Variants in TMEM163 observed in about 807,000 individuals in gnomAD.
The protein encoded by TMEM163 is transmembrane protein 163.
Under a neutral mutation model 29.3 loss-of-function variants are expected in TMEM163, and 17 were observed. The observed-to-expected ratio is 0.58, with a 90% CI of 0.40 to 0.87. TMEM163 has a LOEUF of 0.87. TMEM163 is among the 40% of genes least tolerant of loss of function. The pLI, the probability that TMEM163 is intolerant of heterozygous loss-of-function variation, is 0.00. For synonymous variants in TMEM163, 157 were observed against 160.6 expected, an observed-to-expected ratio of 0.98 and a Z score of 0.17; for missense variants, 303 against 381.5, an observed-to-expected ratio of 0.79 and a Z score of 1.71.
chr2:134,496,218 C>T (rs544122419), intron 5 of TMEM163, among the ~76,000 whole-genome samples: 4 of 152,208 alleles, frequency 2.6e-5, no homozygotes, highest in Non-Finnish European at 4.4e-5. Flanking sequence ...CCCACCACCA[C>T]GCCCAGCTAA....
At chr2:134,640,328 A>C (rs929699525) in intron 2 of TMEM163, among the ~76,000 whole-genome samples, 1 of 152,166 alleles carries the variant, frequency 6.6e-6, no homozygotes, top group African/African-American at 2.4e-5. Flanking sequence ...AAAAAGAAAA[A>C]TGAAGTAGAT....
chr2:134,581,527 G>A (rs1259171155), intron 2 of TMEM163, among the ~76,000 whole-genome samples: 1 of 152,130 alleles, frequency 6.6e-6, no homozygotes, highest in East Asian at 1.9e-4. Context: ...AATAGCAGCT[G>A]CCACCCCACT....
At chr2:134,636,218 C>A (rs967373755) in intron 2 of TMEM163, among the ~76,000 whole-genome samples, 4 of 152,218 alleles carry the variant, frequency 2.6e-5, no homozygotes, top group Admixed American at 2.6e-4. Flanking sequence ...CCTTTCATCA[C>A]TGGGCTCAGG....
intron 2 of TMEM163, among the ~76,000 whole-genome samples, chr2:134,669,049 G>A (rs1017064922): frequency 2.0e-5 from 3 of 152,176 alleles, no homozygotes; most frequent in African/African-American, 4.8e-5. Flanking sequence ...CATCCTCACT[G>A]CAGAGGCATC....
intron 2 of TMEM163, among the ~76,000 whole-genome samples, chr2:134,559,793 G>C (rs1681127752): frequency 6.6e-6 from 1 of 152,144 alleles, no homozygotes; most frequent in South Asian, 2.1e-4. Context: ...ATGGGGGTAG[G>C]GAGTGCCTTT....
At chr2:134,696,433 G>GA (rs1684583336) in intron 2 of TMEM163, among the ~76,000 whole-genome samples, 2 of 152,138 alleles carry the variant, frequency 1.3e-5, no homozygotes, top group Admixed American at 1.3e-4. Context: ...AACTGCACTG[G>GA]AAAAAGCCTA....
intron 5 of TMEM163, among the ~76,000 whole-genome samples, chr2:134,482,742 G>A (rs1679220069): frequency 6.6e-6 from 1 of 152,148 alleles, no homozygotes; most frequent in Non-Finnish European, 1.5e-5. Context: ...AAATTATATT[G>A]ACAAGTTACC....
intron 5 of TMEM163, among the ~76,000 whole-genome samples, chr2:134,489,414 C>T (rs1404140886): frequency 6.6e-6 from 1 of 151,916 alleles, no homozygotes. Context: ...CCCGTCTCTA[C>T]TAAAAACACC....
chr2:134,552,656 C>CTTTTTTTTTTT (rs35785546), intron 2 of TMEM163, among the ~76,000 whole-genome samples: 1 of 113,528 alleles, frequency 8.8e-6, no homozygotes, highest in Non-Finnish European at 1.7e-5. Flanking sequence ...TATTTTGATC[C>CTTTTTTTTTTT]TTTTTTTTTT....
chr2:134,498,031 C>G (rs940225068), intron 5 of TMEM163, among the ~76,000 whole-genome samples: 2 of 152,200 alleles, frequency 1.3e-5, no homozygotes, highest in South Asian at 4.1e-4. Flanking sequence ...GCCTCCACAG[C>G]AGGGCTCTCC....
intron 2 of TMEM163, among the ~76,000 whole-genome samples, chr2:134,642,786 A>G (rs1008911152): frequency 1.3e-5 from 2 of 152,206 alleles, no homozygotes; most frequent in Admixed American, 6.5e-5. Flanking sequence ...GGATACTTCA[A>G]AAAAGAATTT....
intron 4 of TMEM163, among the ~76,000 whole-genome samples, chr2:134,536,084 A>AC: frequency 6.6e-6 from 1 of 152,314 alleles, no homozygotes; most frequent in Admixed American, 6.5e-5. Flanking sequence ...ACGCGTATAT[A>AC]CGTGCACTTT....
chr2:134,612,375 T>C (rs549755808), intron 2 of TMEM163, among the ~76,000 whole-genome samples: 49 of 152,234 alleles, frequency 3.2e-4, no homozygotes, highest in African/African-American at 1.1e-3. Context: ...CTAAACTTTT[T>C]CTGGGAAGAC....
rs865904898 is a variant in TMEM163, at chr2:134,494,942, A to T, written c.555+7959T>A. On this transcript the variant is annotated intron_variant, in intron 5 of 7. Transcript: ENST00000281924. ...CAGACACGCTGACTGCATGGGCAGC[A>T]ATCCTGGGAAACCATTCACCCTTTA... is the stretch of plus-strand genomic sequence containing the variant. Among the ~76,000 whole-genome samples the T allele has an allele frequency of 5.3e-5, 8 of 152,314 alleles. No individual in the cohort carries two copies. In the South Asian group the frequency reaches 1.7e-3, roughly 32 times the overall value.
intron 2 of TMEM163, among the ~76,000 whole-genome samples, chr2:134,628,431 A>G (rs79626397): frequency 0.073 from 11,101 of 152,316 alleles, 485 homozygotes; most frequent in South Asian, 0.17. Flanking sequence ...GCACTTTCAT[A>G]TGCCTGGGCC....
intron 2 of TMEM163, among the ~76,000 whole-genome samples, chr2:134,581,792 T>C (rs1322559216): frequency 2.6e-5 from 4 of 152,072 alleles, no homozygotes; most frequent in Admixed American, 2.0e-4. Context: ...GATACCAGAG[T>C]GACCAAAGAA....
intron 2 of TMEM163, among the ~76,000 whole-genome samples, chr2:134,696,454 T>C (rs1684583799): frequency 1.3e-5 from 2 of 152,228 alleles, no homozygotes; most frequent in South Asian, 4.1e-4. Context: ...TTGGAATTCT[T>C]AGTGAAATTG....
Position 134,456,509 on chromosome 2 carries a change from TATGGGCATTGTCCCAACATGTTTG to T in TMEM163, c.*183_*206del, listed in dbSNP as rs1686398415. 2 of 608,172 alleles carry T rather than the reference TATGGGCATTGTCCCAACATGTTTG, an allele frequency of 3.3e-6. No individual in the cohort carries two copies. The highest frequency in any genetic ancestry group is 1.8e-5 in the African/African-American group (1 of 54,368). The allele number at this position is 608,172 out of a possible 1,614,324, so 37.7% of individuals were successfully genotyped here. A position where few individuals can be genotyped will look rare whatever the true frequency, so the allele number is the denominator to read the frequency against. On this transcript the variant is annotated 3_prime_UTR_variant, in exon 8 of 8. Coordinates refer to ENST00000281924, the MANE Select transcript of TMEM163 (RefSeq NM_030923.5). Reference sequence around the variant, plus strand: ...GGAGACGGGGAAGGAGGTCCATTCCTATGGGCATTGTCCCAACATGTTTGATGGGGGCGGCAGGTGATGGGGGCA... The same window carrying T: ...GGAGACGGGGAAGGAGGTCCATTCCTATGGGGGCGGCAGGTGATGGGGGCA...
intron 2 of TMEM163, among the ~76,000 whole-genome samples, chr2:134,559,481 T>A (rs974442092): frequency 6.6e-6 from 1 of 152,210 alleles, no homozygotes; most frequent in Non-Finnish European, 1.5e-5. Flanking sequence ...GCTCTTTGAC[T>A]TCTACAGACA....
Sources: gnomAD v4.1 joint callset for allele counts (sites outside exome capture counted in the v4.1 genomes callset) on GRCh38, gnomAD v4.1.1 for gene constraint, MANE v1.5 for transcripts, NCBI Gene and HGNC (gene_info 2026-07-23, HGNC 2026-07-21) for gene names.